Variants in NRG1 observed in about 807,000 individuals in gnomAD.
NRG1 encodes the protein neuregulin 1.
Under a neutral mutation model 63.8 loss-of-function variants are expected in NRG1, and 18 were observed. The observed-to-expected ratio is 0.28, with a 90% CI of 0.19 to 0.42. The LOEUF is 0.42. Among genes scored for constraint, NRG1 ranks in the 10% least tolerant of loss-of-function variants. NRG1 has a pLI of 1.00. For missense variants in NRG1, 762 were observed against 814.7 expected, an observed-to-expected ratio of 0.94 and a Z score of 0.79; for synonymous variants, 302 against 301.3, an observed-to-expected ratio of 1.00 and a Z score of -0.02.
intron 1 of NRG1, among the ~76,000 whole-genome samples, chr8:32,341,318 T>C (rs1052405276): frequency 1.3e-5 from 2 of 152,350 alleles, no homozygotes; most frequent in African/African-American, 4.8e-5. Flanking sequence ...CCTGTTCACT[T>C]AGCAGGCAGA....
intron 1 of NRG1, among the ~76,000 whole-genome samples, chr8:31,927,686 G>C (rs1464405537): frequency 1.3e-5 from 2 of 148,498 alleles, no homozygotes; most frequent in Non-Finnish European, 3.0e-5. Flanking sequence ...CTGACCTCGT[G>C]ATCCGCCCGC....
At chr8:31,992,274 A>G (rs1811225021) in intron 1 of NRG1, among the ~76,000 whole-genome samples, 2 of 152,066 alleles carry the variant, frequency 1.3e-5, no homozygotes, top group South Asian at 4.1e-4. Flanking sequence ...GGATTTCTGA[A>G]AGGAAAAGGG....
chr8:32,597,050 T>C (rs1843483400), intron 2 of NRG1, among the ~76,000 whole-genome samples: 1 of 152,186 alleles, frequency 6.6e-6, no homozygotes, highest in Non-Finnish European at 1.5e-5. Context: ...TTTCTTCTAA[T>C]ATCAAACTAC....
rs144073445 is a variant in NRG1 at position 31,744,408 on chromosome 8, C to T, written c.37+104977C>T. 1.7e-3 allele frequency among the ~76,000 whole-genome samples: 255 copies of T among 152,134 alleles called. 1 individual carries two copies. Among genetic ancestry groups the T allele is most frequent in the Middle Eastern group, 0.014 (4 of 294 alleles). On this transcript the variant is annotated intron_variant, in intron 1 of 10. Coordinates refer to the NRG1 transcript ENST00000519301. ...ATTTCTTCCTTTAAAATGTCCTAGA[C>T]ACCTTATTGTCACCTCTTGGCTCCC...
intron 1 of NRG1, among the ~76,000 whole-genome samples, chr8:32,568,531 G>T (rs1292928309): frequency 6.6e-6 from 1 of 152,180 alleles, no homozygotes; most frequent in African/African-American, 2.4e-5. Flanking sequence ...GAGACATTTA[G>T]TAAGAGATTC....
intron 1 of NRG1, among the ~76,000 whole-genome samples, chr8:31,873,147 G>A (rs541199411): frequency 1.3e-5 from 2 of 152,264 alleles, no homozygotes; most frequent in Non-Finnish European, 2.9e-5. Context: ...TTAGAGACAC[G>A]AAATAAGTTT....
At chr8:32,726,410 G>A (rs1034292504) in intron 5 of NRG1, among the ~76,000 whole-genome samples, 4 of 151,822 alleles carry the variant, frequency 2.6e-5, no homozygotes, top group African/African-American at 9.7e-5. Context: ...TTTCTTAATG[G>A]GAATATTGAG....
chr8:32,458,168 G>A (rs909365459), intron 1 of NRG1, among the ~76,000 whole-genome samples: 2 of 151,980 alleles, frequency 1.3e-5, no homozygotes, highest in South Asian at 2.1e-4. Context: ...CTCCCGCCTC[G>A]GCCTCCCAAA....
intron 5 of NRG1, among the ~76,000 whole-genome samples, chr8:32,712,797 C>T (rs974946741): frequency 6.6e-6 from 1 of 152,156 alleles, no homozygotes; most frequent in African/African-American, 2.4e-5. Context: ...TGGATTTCTT[C>T]TGTCTGGACC....
At chr8:32,695,523 T>C (rs1279037118) in intron 5 of NRG1, among the ~76,000 whole-genome samples, 1 of 152,244 alleles carries the variant, frequency 6.6e-6, no homozygotes, top group Non-Finnish European at 1.5e-5. Flanking sequence ...TGGCATTTTC[T>C]GTACTGAGAA....
At chr8:32,662,444 G>T (rs575105533) in intron 5 of NRG1, among the ~76,000 whole-genome samples, 17 of 152,286 alleles carry the variant, frequency 1.1e-4, no homozygotes, top group Admixed American at 9.2e-4. Context: ...TTGTAAGAAT[G>T]ATGGCTTTTC....
intron 1 of NRG1, among the ~76,000 whole-genome samples, chr8:32,082,713 A>T (rs779339944): frequency 7.9e-5 from 12 of 152,180 alleles, no homozygotes; most frequent in Admixed American, 4.6e-4. Flanking sequence ...TACTTTTAGT[A>T]TCTGCTCTAA....
At chr8:32,087,760 C>A in intron 1 of NRG1, among the ~76,000 whole-genome samples, 1 of 152,064 alleles carries the variant, frequency 6.6e-6, no homozygotes, top group East Asian at 1.9e-4. Flanking sequence ...TGAGGCGCTG[C>A]GCCTAACCAT....
intron 1 of NRG1, among the ~76,000 whole-genome samples, chr8:31,735,445 A>G (rs936812768): frequency 5.3e-5 from 8 of 152,124 alleles, no homozygotes; most frequent in African/African-American, 1.9e-4. Flanking sequence ...AAGTAATTTA[A>G]ATTTCTATTT....
At chr8:32,250,260 G>A (rs1347635141) in intron 1 of NRG1, among the ~76,000 whole-genome samples, 1 of 151,960 alleles carries the variant, frequency 6.6e-6, no homozygotes, top group African/African-American at 2.4e-5. Context: ...CTACATTTTA[G>A]TCATTCATTA....
At chr8:32,649,069 T>C (rs1408198363) in intron 5 of NRG1, among the ~76,000 whole-genome samples, 1 of 152,200 alleles carries the variant, frequency 6.6e-6, no homozygotes, top group Non-Finnish European at 1.5e-5. Flanking sequence ...TGAAGGATTT[T>C]CCCAAATTAG....
intron 5 of NRG1, among the ~76,000 whole-genome samples, chr8:32,664,171 A>G (rs971552736): frequency 6.6e-6 from 1 of 152,168 alleles, no homozygotes; most frequent in African/African-American, 2.4e-5. Flanking sequence ...AGTAGAATTG[A>G]GAGAGACAGA....
intron 1 of NRG1, among the ~76,000 whole-genome samples, chr8:32,253,181 C>T (rs1222445917): frequency 6.6e-6 from 1 of 152,112 alleles, no homozygotes; most frequent in Non-Finnish European, 1.5e-5. Flanking sequence ...TTTGAATATA[C>T]TTTATTTCTT....
At chr8:32,220,744 TC>T (rs1462678132) in intron 1 of NRG1, among the ~76,000 whole-genome samples, 2 of 152,116 alleles carry the variant, frequency 1.3e-5, no homozygotes, top group African/African-American at 4.8e-5. Context: ...GCAACGCCCC[TC>T]CCGGAGCTCC....
Sources: allele counts gnomAD v4.1 joint callset (sites outside exome capture counted in the v4.1 genomes callset), GRCh38; gene constraint gnomAD v4.1.1; transcripts MANE v1.5; gene names NCBI Gene and HGNC (gene_info 2026-07-23, HGNC 2026-07-21).